The following CUBN variants were observed in gnomAD, a reference collection of about 807,000 sequenced individuals.
CUBN encodes cubilin, also known as 460 kDa receptor.
Under a neutral mutation model 405.3 loss-of-function variants are expected in CUBN, and 282 were observed. The observed-to-expected ratio is 0.70, with a 90% CI of 0.63 to 0.77. The LOEUF (loss-of-function observed/expected upper bound fraction) is 0.77, where lower values mean the gene tolerates loss of function less well. CUBN is among the 30% of genes least tolerant of loss of function. The pLI is 0.00. For synonymous variants in CUBN, 1,684 were observed against 1,617.0 expected, an observed-to-expected ratio of 1.04 and a Z score of -0.99; for missense variants, 4,514 against 4,475.2, an observed-to-expected ratio of 1.01 and a Z score of -0.25.
At position 16,851,329 on chromosome 10, in the gene CUBN, A is replaced by G. The variant is rs747281825; in HGVS notation, c.9569T>C (p.Ile3190Thr). 16 of 1,614,016 alleles carry G rather than the reference A, an allele frequency of 9.9e-6. No homozygotes were observed. Among genetic ancestry groups the G allele is most frequent in the South Asian group, 2.2e-5 (2 of 91,082 alleles). ...GTGAATTACTTTGTTTACAGGTGCA[A>G]TTATGATCCATACACAGTTTAAATT... ...DKNLNCVWIIIAPVNKVIHLT... is the reference protein window; with the variant it reads ...DKNLNCVWIITAPVNKVIHLT... Residue 3190 changes from isoleucine to threonine, a missense_variant, in exon 60 of 67, where the codon ATT (isoleucine) becomes ACT (threonine). Ile to Thr is a moderately conservative substitution (Grantham distance 89, BLOSUM62 -1). Around this residue, in one of 5 missense-constraint regions of CUBN, gnomAD observed 1,186 missense variants for 1,186.9 expected, o/e 1.00. Transcript: ENST00000377833.
chr10:16,868,447 T>G (rs1202676717), intron 59 of CUBN, among the ~76,000 whole-genome samples: 2 of 152,220 alleles, frequency 1.3e-5, no homozygotes, highest in Non-Finnish European at 2.9e-5. Flanking sequence ...TGGATTTTTC[T>G]GAGTCTTCAC....
chr10:16,881,404 A>C (rs1840662693), intron 56 of CUBN, among the ~76,000 whole-genome samples: 1 of 152,238 alleles, frequency 6.6e-6, no homozygotes, highest in Non-Finnish European at 1.5e-5. Flanking sequence ...AAATACAGAA[A>C]GTTCATTCAT....
chr10:16,841,127 C>A, intron 60 of CUBN, 80 bp from the exon 61 acceptor site: 1 of 1,212,438 alleles, frequency 8.2e-7, no homozygotes, highest in East Asian at 2.4e-5. Flanking sequence ...CGCGAAGTTG[C>A]AATAGGTCAC....
At chr10:16,897,390 G>A (rs1841214894) in intron 54 of CUBN, among the ~76,000 whole-genome samples, 1 of 152,152 alleles carries the variant, frequency 6.6e-6, no homozygotes. Context: ...TGGAATTCTG[G>A]TCTGCTTGGT....
intron 52 of CUBN, 61 bp downstream of exon 52, chr10:16,901,277 C>T: frequency 6.2e-7 from 1 of 1,610,802 alleles, no homozygotes; most frequent in African/African-American, 1.3e-5. Context: ...CATTTTCATG[C>T]AGGACAGGCT....
intron 54 of CUBN, among the ~76,000 whole-genome samples, chr10:16,895,077 G>A (rs918126281): frequency 6.6e-6 from 1 of 152,112 alleles, no homozygotes; most frequent in African/African-American, 2.4e-5. Flanking sequence ...TTACATTTTG[G>A]CCTGTTGTTT....
chr10:17,120,149 C>T (rs1837003979), intron 6 of CUBN, among the ~76,000 whole-genome samples: 1 of 152,192 alleles, frequency 6.6e-6, no homozygotes, highest in African/African-American at 2.4e-5. Context: ...TTTCTAGCCT[C>T]AGTGAATACC....
At chr10:16,852,348 T>C (rs1343435194) in intron 59 of CUBN, among the ~76,000 whole-genome samples, 28 of 103,916 alleles carry the variant, frequency 2.7e-4, no homozygotes, top group African/African-American at 8.6e-4. Context: ...TCCCTCCCTC[T>C]ATCTTTCCCT....
At chr10:16,951,773 G>A (rs1842927464) in intron 33 of CUBN, among the ~76,000 whole-genome samples, 1 of 152,164 alleles carries the variant, frequency 6.6e-6, no homozygotes, top group Admixed American at 6.5e-5. Context: ...GAGAGCCCAG[G>A]TTTTATGAAT....
At chr10:16,928,114 G>A (rs1298596244) in intron 41 of CUBN, 43 bp downstream of exon 41, 14 of 1,593,152 alleles carry the variant, frequency 8.8e-6, no homozygotes, top group Middle Eastern at 2.1e-4. Context: ...GAAAAGAGAG[G>A]AGATGAGATA....
At chr10:17,015,618 G>A (rs1041280013) in intron 28 of CUBN, among the ~76,000 whole-genome samples, 6 of 152,092 alleles carry the variant, frequency 3.9e-5, no homozygotes, top group Admixed American at 6.6e-5. Flanking sequence ...AAATGTAACC[G>A]GGGCTCAATA....
intron 28 of CUBN, among the ~76,000 whole-genome samples, chr10:17,000,593 T>C (rs1227961676): frequency 6.6e-6 from 1 of 152,256 alleles, no homozygotes; most frequent in Non-Finnish European, 1.5e-5. Flanking sequence ...TTACCTACTA[T>C]AAGCTCTGAC....
At chr10:17,039,905 CAG>C (rs1277072103) in intron 27 of CUBN, among the ~76,000 whole-genome samples, 2 of 152,286 alleles carry the variant, frequency 1.3e-5, no homozygotes, top group Non-Finnish European at 1.5e-5. Flanking sequence ...TAGGACCTCA[CAG>C]AGTCTCTCAA....
intron 56 of CUBN, among the ~76,000 whole-genome samples, chr10:16,880,012 C>G (rs1041552468): frequency 6.6e-6 from 1 of 152,168 alleles, no homozygotes; most frequent in Non-Finnish European, 1.5e-5. Flanking sequence ...GAGGCTCACA[C>G]TGGAGTAGCA....
At chr10:16,912,767 G>C (rs1244226360) in intron 48 of CUBN, among the ~76,000 whole-genome samples, 1 of 152,144 alleles carries the variant, frequency 6.6e-6, no homozygotes, top group African/African-American at 2.4e-5. Context: ...AGACAAACAG[G>C]TAGAAGAGGG....
Position 16,824,802 on chromosome 10 carries a change from G to C in CUBN, c.*173C>G. 2 of 624,390 alleles carry C rather than the reference G, an allele frequency of 3.2e-6. No homozygotes were observed. The highest frequency in any genetic ancestry group is 3.7e-4 in the Middle Eastern group (1 of 2,728). The allele number at this position is 624,390 out of a possible 1,614,324, so 38.7% of individuals were successfully genotyped here. A position where few individuals can be genotyped will look rare whatever the true frequency, so the allele number is the denominator to read the frequency against. On this transcript the variant is annotated 3_prime_UTR_variant, in exon 67 of 67. Coordinates refer to ENST00000377833, the MANE Select transcript of CUBN (RefSeq NM_001081.4). ...CCCAAAGTGCTGAGAATACAGGGGG[G>C]TGAGCCACCACGCCTGGCCTACAAA...
intron 26 of CUBN, among the ~76,000 whole-genome samples, chr10:17,041,918 C>G (rs1835029379): frequency 6.6e-6 from 1 of 152,082 alleles, no homozygotes; most frequent in African/African-American, 2.4e-5. Flanking sequence ...CAAAACCAAA[C>G]CAGATACCTC....
At chr10:16,893,611 G>A (rs919646724) in intron 54 of CUBN, among the ~76,000 whole-genome samples, 1 of 152,062 alleles carries the variant, frequency 6.6e-6, no homozygotes, top group African/African-American at 2.4e-5. Flanking sequence ...TATATAAATG[G>A]AACAGCAGAG....
intron 31 of CUBN, among the ~76,000 whole-genome samples, chr10:16,959,103 A>T (rs1843150144): frequency 6.6e-6 from 1 of 152,150 alleles, no homozygotes; most frequent in Non-Finnish European, 1.5e-5. Context: ...TCAGTACCTG[A>T]ACACCACCCA....
Sources: allele counts gnomAD v4.1 joint callset (sites outside exome capture counted in the v4.1 genomes callset), GRCh38; gene constraint gnomAD v4.1.1; regional missense constraint gnomAD v4.1.1; transcripts MANE v1.5; gene names NCBI Gene and HGNC (gene_info 2026-07-23, HGNC 2026-07-21).